The following POFUT2 variants were observed in gnomAD, a reference collection of about 807,000 sequenced individuals.
POFUT2 encodes the protein protein O-fucosyltransferase 2.
POFUT2 carries 30 observed loss-of-function variants against 55.0 expected under a neutral mutation model. The ratio of observed to expected loss-of-function variants is 0.55; its 90% CI spans 0.41 to 0.74. The LOEUF (loss-of-function observed/expected upper bound fraction) is 0.74, where lower values mean the gene tolerates loss of function less well. Ranked by LOEUF, POFUT2 falls within the 30% of genes least tolerant of loss-of-function variation. The pLI, the probability that POFUT2 is intolerant of heterozygous loss-of-function variation, is 0.00. For synonymous variants in POFUT2, 267 were observed against 231.1 expected (o/e 1.16, Z -1.41); for missense variants, 524 against 562.6 (o/e 0.93, Z 0.69).
At chr21:45,286,877 C>G (rs1267557661) in intron 1 of POFUT2, among the ~76,000 whole-genome samples, 1 of 152,200 alleles carries the variant, frequency 6.6e-6, no homozygotes, top group African/African-American at 2.4e-5. Context: ...GCTTGGAGAT[C>G]CCACAGCCAC....
chr21:45,286,619 C>T (rs1569238711), intron 1 of POFUT2, among the ~76,000 whole-genome samples: 1 of 152,166 alleles, frequency 6.6e-6, no homozygotes, highest in South Asian at 2.1e-4. Context: ...GCTCAGAGAT[C>T]CAGGACACAC....
Position 45,277,773 on chromosome 21 carries a change from G to A in POFUT2, c.705+330C>T, listed in dbSNP as rs1487594496. 2.7e-6 allele frequency: 1 copy of A among 371,830 alleles called. No homozygotes were observed. Among genetic ancestry groups the A allele is most frequent in the Non-Finnish European group, 4.9e-6 (1 of 202,510 alleles). 23.0% of individuals were successfully genotyped at this position (371,830 alleles called of 1,614,324 possible). A position where few individuals can be genotyped will look rare whatever the true frequency, so the allele number is the denominator to read the frequency against. ...GCAGAGAATAGTCCCACCTTTCAAA[G>A]CTAAAGAGAGGAGAAAGGAGGGGTC... On this transcript the variant is annotated intron_variant, in intron 5 of 8. Coordinates refer to ENST00000349485, the MANE Select transcript of POFUT2 (RefSeq NM_133635.6). The surrounding 1 kb of genome is among the most constrained non-coding windows in gnomAD (Gnocchi z 6.9).
chr21:45,282,639 G>A lies in POFUT2; in HGVS notation c.528-180C>T, dbSNP rs184014998. Among the ~76,000 whole-genome samples, 764 of 152,348 alleles carry A rather than the reference G, an allele frequency of 5.0e-3. 10 individuals are homozygous for A. Among genetic ancestry groups the A allele is most frequent in the Admixed American group, 8.4e-3 (129 of 15,304 alleles). On this transcript the variant is annotated intron_variant, in intron 3 of 8. Coordinates refer to ENST00000349485, the MANE Select transcript of POFUT2 (RefSeq NM_133635.6). This position sits in a 1 kb window ranked among gnomAD's most constrained non-coding sequence, Gnocchi z 4.6. ...TAGTAAAATTTTAAAAGAAGCCCAT[G>A]AGTGTCTCTCAGGCTGATGGACCAC...
chr21:45,286,263 G>A (rs2031394420), intron 1 of POFUT2, among the ~76,000 whole-genome samples: 1 of 152,210 alleles, frequency 6.6e-6, no homozygotes, highest in Non-Finnish European at 1.5e-5. Context: ...ATGACTGACG[G>A]CTGGTTATGT....
In POFUT2 at chr21:45,284,383, G is replaced by T. The variant is rs2031143354; in HGVS notation, c.383-856C>A. ...TTTTAGGCTAGTGGGAGGTGGTGAA[G>T]ATCCTGCACGCTGGGCGCTATGTCA... On this transcript the variant is annotated intron_variant, in intron 2 of 8. Coordinates refer to ENST00000349485, the MANE Select transcript of POFUT2 (RefSeq NM_133635.6). This position sits in a 1 kb window ranked among gnomAD's most constrained non-coding sequence, Gnocchi z 5.8. Among the ~76,000 whole-genome samples the T allele has an allele frequency of 6.6e-6, 1 of 152,190 alleles. No homozygotes were observed. The highest frequency in any genetic ancestry group is 2.1e-4 in the South Asian group (1 of 4,838).
At position 45,277,312 on chromosome 21, in the gene POFUT2, G is replaced by C; in HGVS notation, c.706-170C>G. 1 of 863,784 alleles carries C rather than the reference G, an allele frequency of 1.2e-6. No individual in the cohort carries two copies. The highest frequency in any genetic ancestry group is 1.7e-6 in the Non-Finnish European group (1 of 582,080). 53.5% of individuals were successfully genotyped at this position (863,784 alleles called of 1,614,324 possible). On this transcript the variant is annotated intron_variant, in intron 5 of 8. Transcript: ENST00000349485. The surrounding 1 kb of genome is among the most constrained non-coding windows in gnomAD (Gnocchi z 6.9). Reference sequence around the variant, plus strand: ...AGCGCCATCCACGGTGGAGGCTCTTGGAGGGTCTCCTGCATGAAGCCAACG... The same window carrying C: ...AGCGCCATCCACGGTGGAGGCTCTTCGAGGGTCTCCTGCATGAAGCCAACG...
In POFUT2 at chr21:45,265,815, G is replaced by A. The variant is rs2146535711; in HGVS notation, c.1137-180C>T. ...CCCCTTGCTGGCACCCCTCGCTCAG[G>A]TGCCCTCGACATCGGCGCCCTGAGG... On this transcript the variant is annotated intron_variant, in intron 8 of 8. Coordinates refer to ENST00000349485, the MANE Select transcript of POFUT2 (RefSeq NM_133635.6). This position sits in a 1 kb window ranked among gnomAD's most constrained non-coding sequence, Gnocchi z 4.6. The A allele has an allele frequency of 1.4e-6, 2 of 1,414,882 alleles. No homozygotes were observed. The highest frequency in any genetic ancestry group is 2.6e-5 in the East Asian group (1 of 38,596). The allele number at this position is 1,414,882 out of a possible 1,614,324, so 87.6% of individuals were successfully genotyped here.
Position 45,265,590 on chromosome 21 carries a change from A to G in POFUT2, c.1182T>C (p.His394=), listed in dbSNP as rs1457258399. 6.2e-7 allele frequency: 1 copy of G among 1,613,930 alleles called. No homozygotes were observed. The highest frequency in any genetic ancestry group is 8.5e-7 in the Non-Finnish European group (1 of 1,179,952). The part of the protein sequence containing the change: ...TSVSTFSFRI[H]EEREILGLDP... ...CCAACCCCAGGATTTCTCTTTCCTCATGAATCCGAAAAGAAAATGTTGAGA... is the reference window on the plus strand; with the variant it reads ...CCAACCCCAGGATTTCTCTTTCCTCGTGAATCCGAAAAGAAAATGTTGAGA... The change falls in exon 9 of 9, where the codon CAT becomes CAC. Residue 394 remains histidine, a synonymous_variant. Coordinates refer to ENST00000349485, the MANE Select transcript of POFUT2 (RefSeq NM_133635.6). This position sits in a 1 kb window ranked among gnomAD's most constrained non-coding sequence, Gnocchi z 4.6.
At chr21:45,287,640 A>C (rs1303781260) in intron 1 of POFUT2, 101 bp downstream of exon 1, 47 of 824,114 alleles carry the variant, frequency 5.7e-5, no homozygotes, top group Admixed American at 4.0e-4. Flanking sequence ...CCCTGACCCC[A>C]TCCCATCTCC....
rs1569233274 is a variant in POFUT2, at chr21:45,283,315, G to GC, written c.527+67_527+68insG. On this transcript the variant is annotated intron_variant, in intron 3 of 8. Coordinates refer to ENST00000349485, the MANE Select transcript of POFUT2 (RefSeq NM_133635.6). ...GGCGGGGGGCGCCTGAGGCGGGGGG[G>GC]GGGGGACGCATGCGGCAGGGGGAGG... 10 of 804,494 alleles carry GC rather than the reference G, an allele frequency of 1.2e-5. 1 individual carries two copies. The highest frequency in any genetic ancestry group is 4.1e-4 in the Middle Eastern group (1 of 2,444). The allele number at this position is 804,494 out of a possible 1,614,324, so 49.8% of individuals were successfully genotyped here.
At position 45,277,108 on chromosome 21, in the gene POFUT2, C is replaced by T. The variant is rs932873570; in HGVS notation, c.740G>A (p.Arg247Gln). 5.6e-6 allele frequency: 9 copies of T among 1,613,878 alleles called. No individual in the cohort carries two copies. The highest frequency in any genetic ancestry group is 2.2e-5 in the South Asian group (2 of 91,092). Residue 247 changes from arginine (R) to glutamine (Q), a missense_variant, in exon 6 of 9, where the codon CGG becomes CAG. Physicochemically the swap from Arg to Gln is conservative, Grantham distance 43 (BLOSUM62 1). Coordinates refer to ENST00000349485, the MANE Select transcript of POFUT2 (RefSeq NM_133635.6). This position sits in a 1 kb window ranked among gnomAD's most constrained non-coding sequence, Gnocchi z 6.9. Reference protein sequence around the residue: ...RRSMVFARHLREVGDEFRSRH... With the variant: ...RRSMVFARHLQEVGDEFRSRH... ...GCTCCTGAACTCGTCTCCCACCTCC[C>T]GCAGGTGCCTGGCAAACACCATGCT...
intron 4 of POFUT2, 134 bp from the exon 5 acceptor site, chr21:45,278,303 C>A: frequency 3.9e-6 from 3 of 771,546 alleles, no homozygotes; most frequent in Non-Finnish European, 4.5e-6. Context: ...CTAACCAGGG[C>A]GCGTTGGGTG....
At chr21:45,280,249 C>CT (rs1382006748) in intron 4 of POFUT2, among the ~76,000 whole-genome samples, 6 of 152,332 alleles carry the variant, frequency 3.9e-5, no homozygotes, top group African/African-American at 1.4e-4. Context: ...ACGGGACTGT[C>CT]TTTGACCTTC....
Position 45,287,819 on chromosome 21 carries a change from G to T in POFUT2, c.53C>A (p.Pro18Gln). 5 of 1,506,806 alleles carry T rather than the reference G, an allele frequency of 3.3e-6. No individual in the cohort carries two copies. The highest frequency in any genetic ancestry group is 4.4e-6 in the Non-Finnish European group (5 of 1,124,356). 93.3% of individuals were successfully genotyped at this position (1,506,806 alleles called of 1,614,324 possible). ...GAACTCCTGGCCGGAGGCAGAAGCC[G>T]GAGGCCAGGACACTGCCCCCAGCAG... ...FLLLGAVSWP[P>Q]ASASGQEFWP... is the part of the protein sequence containing the mutation. The change falls in exon 1 of 9, where the codon CCG becomes CAG. Residue 18 changes from proline to glutamine, a missense_variant. Around this residue, in one of 2 missense-constraint regions of POFUT2, gnomAD observed 274 missense variants for 244.4 expected, o/e 1.12. Coordinates refer to ENST00000349485, the MANE Select transcript of POFUT2 (RefSeq NM_133635.6).
In POFUT2 at chr21:45,282,560, A is replaced by G. The variant is rs1032163581; in HGVS notation, c.528-101T>C. The G allele has an allele frequency of 2.6e-5, 19 of 721,396 alleles. No individual in the cohort carries two copies. The African/African-American group carries it at 3.4e-4, about 13-fold the overall frequency. The allele number at this position is 721,396 out of a possible 1,614,324, so 44.7% of individuals were successfully genotyped here. On this transcript the variant is annotated intron_variant, in intron 3 of 8. Coordinates refer to ENST00000349485, the MANE Select transcript of POFUT2 (RefSeq NM_133635.6). This position sits in a 1 kb window ranked among gnomAD's most constrained non-coding sequence, Gnocchi z 4.6. ...CACACACTGTGGCTTGCTCCTGATGAAACGCGGCTGCTTTAGGAAAACTTA... is the reference window on the plus strand; with the variant it reads ...CACACACTGTGGCTTGCTCCTGATGGAACGCGGCTGCTTTAGGAAAACTTA...
rs2838859 is a variant in POFUT2 at position 45,264,602 on chromosome 21, C to T, written c.*880G>A. ...ATTTCTAGTTCTCAATAGCGAATGG[C>T]AGACCTGGAGGCCCCATGTGCACCT... On this transcript the variant is annotated 3_prime_UTR_variant, in exon 9 of 9. Transcript: ENST00000349485. 62,789 of 151,918 alleles carry T rather than the reference C, an allele frequency of 0.41. 13,492 individuals carry two copies. Among genetic ancestry groups the T allele is most frequent in the South Asian group, 0.54 (2,590 of 4,810 alleles). The allele number at this position is 151,918 out of a possible 1,614,324, so 9.4% of individuals were successfully genotyped here.
In POFUT2 at chr21:45,282,321, C is replaced by T. The variant is rs758629567; in HGVS notation, c.638+28G>A. The stretch of plus-strand genomic sequence containing the variant: ...CGGAGCAGACGCCACAGCCTCCAGG[C>T]TGCTCCCGGGGGGCCTGGGGCACTC... On this transcript the variant is annotated intron_variant, in intron 4 of 8. Coordinates refer to ENST00000349485, the MANE Select transcript of POFUT2 (RefSeq NM_133635.6). This position sits in a 1 kb window ranked among gnomAD's most constrained non-coding sequence, Gnocchi z 4.6. The T allele has an allele frequency of 7.0e-7, 1 of 1,433,516 alleles. No homozygotes were observed. The highest frequency in any genetic ancestry group is 9.8e-7 in the Non-Finnish European group (1 of 1,017,170). The allele number at this position is 1,433,516 out of a possible 1,614,324, so 88.8% of individuals were successfully genotyped here.
intron 3 of POFUT2, 71 bp downstream of exon 3, chr21:45,283,312 G>GT (rs2030955678): frequency 2.5e-6 from 2 of 787,246 alleles, no homozygotes; most frequent in Non-Finnish European, 3.6e-6. Context: ...CTGAGGCGGG[G>GT]GGGGGGGGAC....
chr21:45,271,140 A>T (rs77348943), intron 6 of POFUT2, among the ~76,000 whole-genome samples: 3 of 150,020 alleles, frequency 2.0e-5, no homozygotes, highest in South Asian at 4.2e-4. Flanking sequence ...TAAAGAAATT[A>T]AAAAAAAAAC....
Sources: gnomAD v4.1 joint callset for allele counts (sites outside exome capture counted in the v4.1 genomes callset) on GRCh38, gnomAD v4.1.1 for gene constraint, gnomAD v4.1.1 regional missense constraint, Gnocchi (gnomAD v3.1) non-coding constraint, MANE v1.5 for transcripts, NCBI Gene and HGNC (gene_info 2026-07-23, HGNC 2026-07-21) for gene names.